Variants in GAS2 observed in about 807,000 individuals in gnomAD.
GAS2 encodes the protein growth arrest specific 2.
Under a neutral mutation model 37.5 loss-of-function variants are expected in GAS2, and 20 were observed. That is an observed-to-expected ratio of 0.53 (90% confidence interval 0.37 to 0.77). GAS2 has a LOEUF of 0.77. Ranked by LOEUF, GAS2 falls within the 30% of genes least tolerant of loss-of-function variation. The pLI is 0.00. For missense variants in GAS2, 336 were observed against 373.4 expected (o/e 0.90, Z 0.82); for synonymous variants, 144 against 132.2 (o/e 1.09, Z -0.61).
intron 7 of GAS2, among the ~76,000 whole-genome samples, chr11:22,760,098 C>T (rs1318816192): frequency 6.6e-6 from 1 of 151,878 alleles, no homozygotes; most frequent in Non-Finnish European, 1.5e-5. Flanking sequence ...ACTGGGATTA[C>T]AGTGTGTACC....
intron 7 of GAS2, among the ~76,000 whole-genome samples, chr11:22,780,333 A>G (rs1052861833): frequency 1.1e-4 from 16 of 151,992 alleles, no homozygotes; most frequent in African/African-American, 3.9e-4. Flanking sequence ...CGTCTCTACT[A>G]AAAATACAAA....
At chr11:22,790,542 G>T (rs1354194941) in intron 7 of GAS2, among the ~76,000 whole-genome samples, 2 of 150,466 alleles carry the variant, frequency 1.3e-5, no homozygotes, top group African/African-American at 4.9e-5. Context: ...AAAACCTATT[G>T]CCCTCAAAGA....
intron 1 of GAS2, among the ~76,000 whole-genome samples, chr11:22,652,240 G>C (rs1273079727): frequency 1.3e-5 from 2 of 152,200 alleles, no homozygotes; most frequent in Non-Finnish European, 2.9e-5. Flanking sequence ...TCGGGGGTCA[G>C]GGGGTCAGGG....
intron 5 of GAS2, among the ~76,000 whole-genome samples, chr11:22,746,196 A>G (rs564743812): frequency 6.6e-6 from 1 of 152,118 alleles, no homozygotes; most frequent in Non-Finnish European, 1.5e-5. Context: ...ACAAACAAAC[A>G]AACAAACAAA....
intron 1 of GAS2, among the ~76,000 whole-genome samples, chr11:22,639,904 C>A (rs1287024491): frequency 6.6e-6 from 1 of 152,088 alleles, no homozygotes; most frequent in African/African-American, 2.4e-5. Flanking sequence ...TGAATGAGGT[C>A]TGGGAAGTGA....
intron 2 of GAS2, among the ~76,000 whole-genome samples, chr11:22,677,052 A>G (rs1217415579): frequency 2.6e-5 from 4 of 152,222 alleles, no homozygotes; most frequent in Non-Finnish European, 1.5e-5. Context: ...GTGATTAAGA[A>G]TAAACATAGT....
At chr11:22,802,780 A>G (rs1856725671) in intron 7 of GAS2, among the ~76,000 whole-genome samples, 1 of 152,174 alleles carries the variant, frequency 6.6e-6, no homozygotes, top group African/African-American at 2.4e-5. Flanking sequence ...CATGTACTCT[A>G]TAACAATGTT....
At chr11:22,628,682 C>T (rs1858698553) in intron 1 of GAS2, among the ~76,000 whole-genome samples, 1 of 151,776 alleles carries the variant, frequency 6.6e-6, no homozygotes, top group East Asian at 1.9e-4. Flanking sequence ...ATTTTGGTTA[C>T]TTGGATGAAT....
upstream of GAS2, among the ~76,000 whole-genome samples, chr11:22,661,692 T>A (rs1458968189): frequency 2.6e-5 from 4 of 152,196 alleles, no homozygotes; most frequent in Non-Finnish European, 5.9e-5. Context: ...CATGGAGGTG[T>A]AACGGTATAA....
intron 7 of GAS2, among the ~76,000 whole-genome samples, chr11:22,757,625 T>C (rs571028782): frequency 5.3e-5 from 8 of 152,200 alleles, no homozygotes; most frequent in Non-Finnish European, 8.8e-5. Flanking sequence ...TTAACGAACG[T>C]TAATCATTTA....
intron 3 of GAS2, among the ~76,000 whole-genome samples, chr11:22,695,687 T>A (rs1850468995): frequency 6.6e-6 from 1 of 152,186 alleles, no homozygotes; most frequent in South Asian, 2.1e-4. Flanking sequence ...AGTGGAAAAT[T>A]CTTCCATATT....
rs397750049 is a variant in GAS2, at chr11:22,735,224, CTTTTTTTTTT to C, written c.410-2470_410-2461del. ...CATTGCTTGCTGGTCACCAATCATT[CTTTTTTTTTT>C]TTTTTTTTTTGGTCCATTAGTGGCC... On this transcript the variant is annotated intron_variant, in intron 4 of 7. Transcript: ENST00000454584. Among the ~76,000 whole-genome samples the C allele has an allele frequency of 2.8e-4, 31 of 109,168 alleles. 1 individual carries two copies. The South Asian group carries it at 7.3e-3, about 26-fold the overall frequency. 71.6% of individuals were successfully genotyped at this position (109,168 alleles called of 152,430 possible).
intron 7 of GAS2, among the ~76,000 whole-genome samples, chr11:22,808,308 A>G (rs1465703935): frequency 6.6e-6 from 1 of 152,236 alleles, no homozygotes; most frequent in Non-Finnish European, 1.5e-5. Context: ...AAGGCAGGAA[A>G]GTAAACCTAG....
chr11:22,713,009 C>T (rs1185729215), intron 3 of GAS2, among the ~76,000 whole-genome samples: 1 of 142,718 alleles, frequency 7.0e-6, no homozygotes, highest in East Asian at 2.0e-4. Flanking sequence ...ACCCCGGAGA[C>T]AGAGCCAAGA....
chr11:22,800,969 C>T (rs1856636860), intron 7 of GAS2, among the ~76,000 whole-genome samples: 1 of 151,892 alleles, frequency 6.6e-6, no homozygotes, highest in South Asian at 2.1e-4. Flanking sequence ...TCTGGCTCTC[C>T]TATGTGGCCA....
At chr11:22,800,515 C>G (rs1856615652) in intron 7 of GAS2, among the ~76,000 whole-genome samples, 1 of 151,966 alleles carries the variant, frequency 6.6e-6, no homozygotes, top group Non-Finnish European at 1.5e-5. Flanking sequence ...AGACGGTGGA[C>G]TAGTGAAGAG....
chr11:22,673,931 G>T (rs7109225), intron 1 of GAS2, among the ~76,000 whole-genome samples: 2 of 152,134 alleles, frequency 1.3e-5, no homozygotes, highest in East Asian at 1.9e-4. Context: ...CAAACAAAAC[G>T]CAGCATGTAA....
intron 3 of GAS2, among the ~76,000 whole-genome samples, chr11:22,701,948 T>C (rs1850863948): frequency 6.6e-6 from 1 of 152,174 alleles, no homozygotes; most frequent in Non-Finnish European, 1.5e-5. Context: ...TTAAAAGATA[T>C]AACAGTATAT....
At chr11:22,744,966 A>G (rs141255672) in intron 5 of GAS2, among the ~76,000 whole-genome samples, 1 of 152,278 alleles carries the variant, frequency 6.6e-6, no homozygotes, top group East Asian at 1.9e-4. Flanking sequence ...CTGCTGAAAG[A>G]AATAATAGAT....
Sources: allele counts gnomAD v4.1 joint callset (sites outside exome capture counted in the v4.1 genomes callset), GRCh38; gene constraint gnomAD v4.1.1; transcripts MANE v1.5; gene names NCBI Gene and HGNC (gene_info 2026-07-23, HGNC 2026-07-21).